Variants in PEAK1 observed in about 807,000 individuals in gnomAD.
PEAK1 encodes the protein inactive tyrosine-protein kinase PEAK1.
A neutral mutation model predicts 124.7 loss-of-function variants in PEAK1; 54 were observed. The observed-to-expected ratio is 0.43, with a 90% CI of 0.35 to 0.54. The LOEUF is 0.54. Among genes scored for constraint, PEAK1 ranks in the 20% least tolerant of loss-of-function variants. The pLI, the probability that PEAK1 is intolerant of heterozygous loss-of-function variation, is 0.01. For synonymous variants in PEAK1, 719 were observed against 760.0 expected, an observed-to-expected ratio of 0.95 and a Z score of 0.89; for missense variants, 2,046 against 2,134.5, an observed-to-expected ratio of 0.96 and a Z score of 0.82.
rs760050184 is a variant in PEAK1 at position 77,178,914 on chromosome 15, T to G, written c.3013A>C (p.Ser1005Arg). Residue 1005 changes from serine to arginine, a missense_variant, in exon 7 of 10, where the codon AGC (serine) becomes CGC (arginine). Ser to Arg is a moderately radical substitution (Grantham distance 110). Transcript: ENST00000682557. ...PAQGQLSVDQSKARTDQAAVM... is the reference protein window; with the variant it reads ...PAQGQLSVDQRKARTDQAAVM... The stretch of plus-strand genomic sequence containing the variant: ...GCTGCCTGGTCTGTCCTAGCCTTGC[T>G]CTGATCCACACTGAGCTGGCCTTGA... 2 of 1,614,114 alleles carry G rather than the reference T, an allele frequency of 1.2e-6. No homozygotes were observed. Among genetic ancestry groups the G allele is most frequent in the Admixed American group, 1.7e-5 (1 of 60,006 alleles).
chr15:77,137,558 G>A (rs36043229), intron 8 of PEAK1, among the ~76,000 whole-genome samples: 10,954 of 152,296 alleles, frequency 0.072, 538 homozygotes, highest in Non-Finnish European at 0.1. Context: ...CTGGATTTCG[G>A]ACTTGTGTGG....
In PEAK1 at chr15:77,182,053, AAAG is replaced by A; in HGVS notation, c.-114-16_-114-14del. 7.2e-7 allele frequency: 1 copy of A among 1,384,734 alleles called. No homozygotes were observed. The highest frequency in any genetic ancestry group is 2.6e-5 in the East Asian group (1 of 39,170). 85.8% of individuals were successfully genotyped at this position (1,384,734 alleles called of 1,614,324 possible). A position where few individuals can be genotyped will look rare whatever the true frequency, so the allele number is the denominator to read the frequency against. The stretch of plus-strand genomic sequence containing the variant: ...AAGAATGATCAATCTGTGGAGGGGA[AAAG>A]AAGACAAAAAATCTGAATGAAAAAG... On this transcript the variant is annotated splice_polypyrimidine_tract_variant and intron_variant, in intron 6 of 9. Transcript: ENST00000682557.
At chr15:77,134,361 T>A (rs1416788471) in intron 8 of PEAK1, among the ~76,000 whole-genome samples, 2 of 152,350 alleles carry the variant, frequency 1.3e-5, no homozygotes, top group East Asian at 3.9e-4. Context: ...ATTCTGACAT[T>A]GCTTAAACTG....
At chr15:77,351,219 GT>G (rs1241334520) in intron 2 of PEAK1, among the ~76,000 whole-genome samples, 2 of 152,190 alleles carry the variant, frequency 1.3e-5, no homozygotes, top group African/African-American at 4.8e-5. Context: ...TTAACTGAGT[GT>G]TAAAGGGTCA....
chr15:77,391,953 T>C (rs964223861), intron 1 of PEAK1, among the ~76,000 whole-genome samples: 2 of 152,334 alleles, frequency 1.3e-5, no homozygotes, highest in Admixed American at 6.5e-5. Flanking sequence ...CCATTAGAAA[T>C]ACTTTAAACT....
chr15:77,172,123 T>C (rs1056016655), intron 7 of PEAK1, among the ~76,000 whole-genome samples: 13 of 152,210 alleles, frequency 8.5e-5, no homozygotes, highest in Non-Finnish European at 1.6e-4. Context: ...AGTTGCAATG[T>C]GAAATCTGAA....
At position 77,297,782 on chromosome 15, in the gene PEAK1, G is replaced by A. The variant is rs539650468; in HGVS notation, c.-602-11278C>T. Among the ~76,000 whole-genome samples, 75 of 144,924 alleles carry A rather than the reference G, an allele frequency of 5.2e-4. 1 individual carries two copies. The highest frequency in any genetic ancestry group is 2.1e-4 in the Non-Finnish European group (14 of 66,084). On this transcript the variant is annotated intron_variant, in intron 2 of 9. Transcript: ENST00000682557. The stretch of plus-strand genomic sequence containing the variant: ...CAAAAAAAAAAAAAAAAAAAGGCCG[G>A]GTGCGGTGGCTCACGCCTGTAATCC...
chr15:77,351,996 G>A, intron 2 of PEAK1: 1 of 967,416 alleles, frequency 1.0e-6, no homozygotes, highest in Non-Finnish European at 1.2e-6. Flanking sequence ...CAAGGCGGGA[G>A]TATAGCTTGA....
At chr15:77,349,514 T>A in intron 2 of PEAK1, 3 of 985,196 alleles carry the variant, frequency 3.0e-6, no homozygotes, top group Non-Finnish European at 3.6e-6. Flanking sequence ...CTTAATATAA[T>A]GTAGCAAGAC....
At chr15:77,161,187 G>A (rs1329139892) in intron 7 of PEAK1, among the ~76,000 whole-genome samples, 1 of 152,170 alleles carries the variant, frequency 6.6e-6, no homozygotes, top group East Asian at 1.9e-4. Context: ...TGTTAATCAT[G>A]CTCTGACACT....
At chr15:77,368,882 A>T (rs765369767) in intron 1 of PEAK1, among the ~76,000 whole-genome samples, 11 of 152,226 alleles carry the variant, frequency 7.2e-5, no homozygotes, top group Non-Finnish European at 1.5e-4. Flanking sequence ...GGGAATACAC[A>T]TGAAGCAAAA....
chr15:77,275,457 C>T (rs1156640569), intron 5 of PEAK1, among the ~76,000 whole-genome samples: 1 of 152,118 alleles, frequency 6.6e-6, no homozygotes, highest in Non-Finnish European at 1.5e-5. Context: ...GTGGCTCATG[C>T]CTATAATCCC....
intron 6 of PEAK1, among the ~76,000 whole-genome samples, chr15:77,206,292 T>C (rs1294827974): frequency 1.3e-5 from 2 of 148,664 alleles, no homozygotes; most frequent in African/African-American, 5.0e-5. Flanking sequence ...AACATACATG[T>C]GCATGTGTCT....
chr15:77,239,118 T>C (rs2060249007), intron 6 of PEAK1, among the ~76,000 whole-genome samples: 2 of 152,240 alleles, frequency 1.3e-5, no homozygotes, highest in African/African-American at 2.4e-5. Context: ...ATGTTCTCAA[T>C]GTACCATCTT....
chr15:77,349,953 T>C, intron 2 of PEAK1: 1 of 984,748 alleles, frequency 1.0e-6, no homozygotes, highest in Non-Finnish European at 1.2e-6. Flanking sequence ...CTGCTCCATA[T>C]TCCAAATTCT....
chr15:77,338,072 G>A, intron 2 of PEAK1: 1 of 982,924 alleles, frequency 1.0e-6, no homozygotes, highest in Non-Finnish European at 1.2e-6. Context: ...TTAGCTATTG[G>A]ACTCAAACTG....
At chr15:77,313,742 T>TATATATATATA (rs760524195) in intron 2 of PEAK1, among the ~76,000 whole-genome samples, 4,537 of 113,220 alleles carry the variant, frequency 0.04, 118 homozygotes, top group Middle Eastern at 0.068. Flanking sequence ...ATATATATAT[T>TATATATATATA]TATTTATTTA....
In PEAK1 at chr15:77,239,247, A is replaced by G. The variant is rs1175458349; in HGVS notation, c.-115+13120T>C. On this transcript the variant is annotated intron_variant, in intron 6 of 9. Transcript: ENST00000682557. ...CCCTTCTACTAAAATATGATCTCAT[A>G]ATAGTAAGAAGGGGGTGTTTATCCA... 2.0e-5 allele frequency among the ~76,000 whole-genome samples: 3 copies of G among 152,210 alleles called. No individual in the cohort carries two copies. In the East Asian group the frequency reaches 5.8e-4, roughly 29 times the overall value.
chr15:77,265,819 T>C (rs1226704151), intron 5 of PEAK1, among the ~76,000 whole-genome samples: 3 of 151,766 alleles, frequency 2.0e-5, no homozygotes, highest in Non-Finnish European at 4.4e-5. Context: ...ATGTTTATTG[T>C]GGCACTATTC....
Sources: allele counts gnomAD v4.1 joint callset (sites outside exome capture counted in the v4.1 genomes callset), GRCh38; gene constraint gnomAD v4.1.1; transcripts MANE v1.5; gene names NCBI Gene and HGNC (gene_info 2026-07-23, HGNC 2026-07-21).